The following TRABD2A variants were observed in gnomAD, a reference collection of about 807,000 sequenced individuals.
TRABD2A encodes the protein TraB domain containing 2A, also known as metalloprotease TIKI1.
TRABD2A carries 43 observed loss-of-function variants against 45.6 expected under a neutral mutation model. That is an observed-to-expected ratio of 0.94 (90% CI 0.74 to 1.22). The LOEUF (loss-of-function observed/expected upper bound fraction) is 1.22, where lower values mean the gene tolerates loss of function less well. Among genes scored for constraint, TRABD2A ranks in the 50% most tolerant of loss-of-function variants. The probability of loss-of-function intolerance (pLI) is 0.00; values close to 1 mark genes in which losing one functional copy is unlikely to be tolerated. For missense variants in TRABD2A, 642 were observed against 652.4 expected, an observed-to-expected ratio of 0.98 and a Z score of 0.17; for synonymous variants, 269 against 265.0, an observed-to-expected ratio of 1.02 and a Z score of -0.15.
intron 2 of TRABD2A, among the ~76,000 whole-genome samples, chr2:84,866,434 CA>C (rs1682678400): frequency 6.6e-6 from 1 of 152,172 alleles, no homozygotes; most frequent in Non-Finnish European, 1.5e-5. Flanking sequence ...CTCTTATTTG[CA>C]ACCTCTGCTA....
chr2:84,831,672 G>T (rs1427376952), intron 5 of TRABD2A, among the ~76,000 whole-genome samples: 1 of 152,086 alleles, frequency 6.6e-6, no homozygotes, highest in South Asian at 2.1e-4. Flanking sequence ...CACTGTCATG[G>T]CCCGATTTTG....
rs973597239 is a variant in TRABD2A at position 84,863,425 on chromosome 2, T to C, written c.669+6800A>G. Among the ~76,000 whole-genome samples the C allele has an allele frequency of 5.3e-5, 8 of 150,502 alleles. No individual in the cohort carries two copies. In the East Asian group the frequency reaches 1.6e-3, roughly 30 times the overall value. ...ACGCCCGGCTAATTTTTTGTATTTTTAGTAGACACGGGGTTTCACCATGGT... is the reference window on the plus strand; with the variant it reads ...ACGCCCGGCTAATTTTTTGTATTTTCAGTAGACACGGGGTTTCACCATGGT... On this transcript the variant is annotated intron_variant, in intron 2 of 6. Coordinates refer to ENST00000409520, the MANE Select transcript of TRABD2A (RefSeq NM_001277053.2).
At chr2:84,872,838 GGCA>G (rs1428205405) in intron 1 of TRABD2A, among the ~76,000 whole-genome samples, 1 of 152,188 alleles carries the variant, frequency 6.6e-6, no homozygotes, top group Non-Finnish European at 1.5e-5. Context: ...TTATTGGCCA[GGCA>G]TAGTAGCTCA....
rs142894777 is a variant in TRABD2A at position 84,865,785 on chromosome 2, A to G, written c.669+4440T>C. On this transcript the variant is annotated intron_variant, in intron 2 of 6. Coordinates refer to ENST00000409520, the MANE Select transcript of TRABD2A (RefSeq NM_001277053.2). ...CATAGATGCCTGGTGATGTGTGAAC[A>G]TGGAGATGGGATTTAGCAAGACCAT... is the stretch of plus-strand genomic sequence containing the variant. 1.2e-3 allele frequency among the ~76,000 whole-genome samples: 180 copies of G among 152,320 alleles called. 3 individuals are homozygous for G. The South Asian group carries it at 0.03, about 25-fold the overall frequency.
Position 84,870,710 on chromosome 2 carries a change from G to T in TRABD2A, c.184C>A (p.Pro62Thr), listed in dbSNP as rs1301991772. Residue 62 changes from proline (P) to threonine (T), a missense_variant, in exon 2 of 7, where the codon CCG (proline) becomes ACG (threonine). By Grantham distance (38) the Pro-to-Thr change is conservative. Transcript: ENST00000409520. Reference sequence around the variant, plus strand: ...ATGAAGTCCCAAACTCGGGTGTACGGGACATGGATTGTGCCAAAGAAGTAA... The same window carrying T: ...ATGAAGTCCCAAACTCGGGTGTACGTGACATGGATTGTGCCAAAGAAGTAA... The part of the protein sequence containing the change: ...PSYFFGTIHV[P>T]YTRVWDFIPD... 1 of 1,604,128 alleles carries T rather than the reference G, an allele frequency of 6.2e-7. No individual in the cohort carries two copies. Among genetic ancestry groups the T allele is most frequent in the South Asian group, 1.1e-5 (1 of 89,122 alleles).
At position 84,842,021 on chromosome 2, in the gene TRABD2A, C is replaced by A; in HGVS notation, c.670-14G>T. 6.8e-7 allele frequency: 1 copy of A among 1,480,722 alleles called. No individual in the cohort carries two copies. Among genetic ancestry groups the A allele is most frequent in the Non-Finnish European group, 9.0e-7 (1 of 1,114,730 alleles). The allele number at this position is 1,480,722 out of a possible 1,614,324, so 91.7% of individuals were successfully genotyped here. A position where few individuals can be genotyped will look rare whatever the true frequency, so the allele number is the denominator to read the frequency against. On this transcript the variant is annotated splice_polypyrimidine_tract_variant and intron_variant, in intron 2 of 6. Transcript: ENST00000409520. ...AGCAAAGATGACCTAAAAGAAAGGT[C>A]TCTTTTAAGTTCACTAACAAGGCAA...
chr2:84,843,890 T>G (rs1214993239), intron 2 of TRABD2A: 4 of 152,274 alleles, frequency 2.6e-5, no homozygotes, highest in African/African-American at 9.7e-5. Flanking sequence ...ATAGTTTACC[T>G]CCCTCAGTTA....
chr2:84,855,867 A>G (rs1682283083), intron 2 of TRABD2A, among the ~76,000 whole-genome samples: 1 of 152,088 alleles, frequency 6.6e-6, no homozygotes, highest in Admixed American at 6.5e-5. Context: ...AGTCCGGCAG[A>G]TGTCTTTTTT....
intron 1 of TRABD2A, chr2:84,879,590 C>A: frequency 1.0e-6 from 1 of 985,288 alleles, no homozygotes; most frequent in Non-Finnish European, 1.2e-6. Flanking sequence ...TATCCAGACT[C>A]ACTCGTCATA....
intron 4 of TRABD2A, chr2:84,837,976 T>A (rs1681579250): frequency 2.4e-6 from 1 of 413,990 alleles, no homozygotes; most frequent in South Asian, 7.1e-5. Flanking sequence ...AACTATGATG[T>A]TAAACAGCTG....
rs1337681048 is a variant in TRABD2A, at chr2:84,823,993, G to A, written c.1294C>T (p.Leu432Phe). ...ACCCACAGATCGCTGAATTGCCGGA[G>A]TCGCGGCCTCCGCTGTGACCGCCTC... ...KRRRSQRRPRLRQFSDLWVRL... is the reference protein window; with the variant it reads ...KRRRSQRRPRFRQFSDLWVRL... The change falls in exon 6 of 7, where the codon CTC (leucine) becomes TTC (phenylalanine). Residue 432 changes from leucine (L) to phenylalanine (F), a missense_variant. Coordinates refer to ENST00000409520, the MANE Select transcript of TRABD2A (RefSeq NM_001277053.2). 6.2e-7 allele frequency: 1 copy of A among 1,613,938 alleles called. No individual in the cohort carries two copies. Among genetic ancestry groups the A allele is most frequent in the Admixed American group, 1.7e-5 (1 of 60,010 alleles).
chr2:84,862,646 G>C (rs1243889896), intron 2 of TRABD2A, among the ~76,000 whole-genome samples: 1 of 152,090 alleles, frequency 6.6e-6, no homozygotes, highest in Non-Finnish European at 1.5e-5. Context: ...GGACTTTAGA[G>C]GGGCAGCCCA....
intron 2 of TRABD2A, among the ~76,000 whole-genome samples, chr2:84,857,386 C>T (rs553639988): frequency 6.6e-6 from 1 of 152,192 alleles, no homozygotes; most frequent in Admixed American, 6.5e-5. Flanking sequence ...ACAAGACAAC[C>T]CAGCTTCAAG....
intron 4 of TRABD2A, among the ~76,000 whole-genome samples, chr2:84,838,901 T>C (rs544737320): frequency 6.6e-6 from 1 of 152,354 alleles, no homozygotes; most frequent in Admixed American, 6.5e-5. Flanking sequence ...TTTTCCCAGC[T>C]GGCTTATGTG....
intron 1 of TRABD2A, 77 bp from the exon 2 acceptor site, chr2:84,870,862 C>CTATGGGGG: frequency 7.5e-7 from 1 of 1,327,376 alleles, no homozygotes; most frequent in South Asian, 1.5e-5. Flanking sequence ...GGAAATGAAT[C>CTATGGGGG]AGTCACATTT....
intron 5 of TRABD2A, among the ~76,000 whole-genome samples, chr2:84,827,525 C>T (rs1681185133): frequency 6.6e-6 from 1 of 152,186 alleles, no homozygotes; most frequent in African/African-American, 2.4e-5. Flanking sequence ...GCTGTATAAA[C>T]CCTAGCAGGG....
intron 2 of TRABD2A, among the ~76,000 whole-genome samples, chr2:84,867,394 G>A (rs1239672223): frequency 6.6e-6 from 1 of 152,172 alleles, no homozygotes; most frequent in Non-Finnish European, 1.5e-5. Context: ...GTAGAAAGCT[G>A]AAACTGGATC....
intron 2 of TRABD2A, among the ~76,000 whole-genome samples, chr2:84,847,145 G>A (rs1311953873): frequency 1.3e-5 from 2 of 152,296 alleles, no homozygotes; most frequent in Non-Finnish European, 2.9e-5. Flanking sequence ...AGGGCAGGGC[G>A]GTGCTCCAAG....
At chr2:84,868,501 C>A (rs1682759623) in intron 2 of TRABD2A, among the ~76,000 whole-genome samples, 1 of 142,294 alleles carries the variant, frequency 7.0e-6, no homozygotes, top group Admixed American at 6.7e-5. Flanking sequence ...CAGCTATTAA[C>A]TAATTAACTA....
Sources: allele counts gnomAD v4.1 joint callset (sites outside exome capture counted in the v4.1 genomes callset), GRCh38; gene constraint gnomAD v4.1.1; transcripts MANE v1.5; gene names NCBI Gene and HGNC (gene_info 2026-07-23, HGNC 2026-07-21).